The following TPRG1 variants were observed in gnomAD, a reference collection of about 807,000 sequenced individuals.
The protein encoded by TPRG1 is tumor protein p63-regulated gene 1 protein.
A neutral mutation model predicts 29.3 loss-of-function variants in TPRG1; 29 were observed. The observed-to-expected ratio is 0.99, with a 90% CI of 0.74 to 1.35. The LOEUF is 1.35. TPRG1 is among the 40% of genes most tolerant of loss of function. The pLI, the probability that TPRG1 is intolerant of heterozygous loss-of-function variation, is 0.00. For synonymous variants in TPRG1, 130 were observed against 116.8 expected (o/e 1.11, Z -0.73); for missense variants, 327 against 335.0 (o/e 0.98, Z 0.19).
intron 4 of TPRG1, 123 bp from the exon 5 acceptor site, chr3:189,310,263 A>G: frequency 1.3e-6 from 1 of 780,094 alleles, no homozygotes; most frequent in Non-Finnish European, 1.8e-6. Context: ...CTCACCCCCT[A>G]AAATCTTTTG....
At chr3:189,026,999 G>C (rs986045314) in intron 4 of TPRG1, among the ~76,000 whole-genome samples, 1 of 152,084 alleles carries the variant, frequency 6.6e-6, no homozygotes, top group Non-Finnish European at 1.5e-5. Context: ...TTGATTTTTT[G>C]TAAGTAAAAT....
At chr3:189,140,995 A>C (rs1434800503) in intron 3 of TPRG1, among the ~76,000 whole-genome samples, 2 of 152,216 alleles carry the variant, frequency 1.3e-5, no homozygotes, top group African/African-American at 4.8e-5. Flanking sequence ...ACTTTAACAC[A>C]GCTCAAAAGT....
intron 4 of TPRG1, among the ~76,000 whole-genome samples, chr3:189,248,695 A>T (rs1324836869): frequency 6.6e-6 from 1 of 151,196 alleles, no homozygotes; most frequent in African/African-American, 2.4e-5. Flanking sequence ...TGACCTGAGA[A>T]TAGATTGAAG....
chr3:189,215,422 A>G, intron 3 of TPRG1, 39 bp downstream of exon 3: 1 of 1,548,426 alleles, frequency 6.5e-7, no homozygotes, highest in Non-Finnish European at 8.9e-7. Flanking sequence ...GTGGAAATAC[A>G]GCGTTTTCCT....
intron 3 of TPRG1, among the ~76,000 whole-genome samples, chr3:189,216,688 G>A (rs938801362): frequency 6.6e-6 from 1 of 152,140 alleles, no homozygotes; most frequent in African/African-American, 2.4e-5. Context: ...TTTCTTTGTA[G>A]CATCTTCCTT....
chr3:189,244,455 A>G (rs912635452), intron 4 of TPRG1, among the ~76,000 whole-genome samples: 3 of 152,164 alleles, frequency 2.0e-5, no homozygotes, highest in South Asian at 2.1e-4. Flanking sequence ...TAATTGGTTC[A>G]GAGTTCTGCA....
chr3:189,297,830 G>A (rs1356072189), intron 4 of TPRG1, among the ~76,000 whole-genome samples: 1 of 152,118 alleles, frequency 6.6e-6, no homozygotes, highest in Admixed American at 6.5e-5. Flanking sequence ...CATTTGGGAA[G>A]AGGACTCATG....
chr3:189,205,672 T>C (rs956359852), intron 1 of TPRG1, among the ~76,000 whole-genome samples: 1 of 152,106 alleles, frequency 6.6e-6, no homozygotes, highest in Non-Finnish European at 1.5e-5. Flanking sequence ...ATGGTGAAAA[T>C]GGACATGAAA....
chr3:189,006,599 C>G (rs1712298944), intron 3 of TPRG1, among the ~76,000 whole-genome samples: 1 of 152,124 alleles, frequency 6.6e-6, no homozygotes, highest in South Asian at 2.1e-4. Flanking sequence ...AACTTGAACT[C>G]AGGCCCTGTG....
At chr3:189,217,652 C>G (rs969488810) in intron 3 of TPRG1, among the ~76,000 whole-genome samples, 1 of 152,168 alleles carries the variant, frequency 6.6e-6, no homozygotes, top group Non-Finnish European at 1.5e-5. Flanking sequence ...TTGTTAAAAA[C>G]CTCATCGTGG....
chr3:189,039,461 G>T (rs1429460576), intron 4 of TPRG1, among the ~76,000 whole-genome samples: 2 of 152,188 alleles, frequency 1.3e-5, no homozygotes, highest in Non-Finnish European at 2.9e-5. Context: ...GTTACCACAA[G>T]ATGAGGGCAA....
intron 1 of TPRG1, among the ~76,000 whole-genome samples, chr3:189,190,578 C>G (rs1414346076): frequency 6.6e-6 from 1 of 152,182 alleles, no homozygotes; most frequent in African/African-American, 2.4e-5. Context: ...TATTTTATTG[C>G]CTCCTACGTC....
intron 4 of TPRG1, among the ~76,000 whole-genome samples, chr3:189,241,008 G>A (rs1156626292): frequency 6.6e-6 from 1 of 152,060 alleles, no homozygotes; most frequent in Non-Finnish European, 1.5e-5. Context: ...GTCCCTCATT[G>A]ATGTATATCT....
At chr3:189,314,312 C>T (rs1264038597) in intron 5 of TPRG1, among the ~76,000 whole-genome samples, 1 of 152,124 alleles carries the variant, frequency 6.6e-6, no homozygotes, top group East Asian at 1.9e-4. Context: ...TGAGATTACA[C>T]AACATTGGGC....
At chr3:189,146,808 A>G (rs1013690689) in intron 3 of TPRG1, among the ~76,000 whole-genome samples, 5 of 152,240 alleles carry the variant, frequency 3.3e-5, no homozygotes, top group Non-Finnish European at 7.3e-5. Flanking sequence ...TGATTTAGGA[A>G]GAGGTGTTTG....
chr3:189,078,657 A>T (rs1717385408), intron 4 of TPRG1, among the ~76,000 whole-genome samples: 1 of 152,216 alleles, frequency 6.6e-6, no homozygotes, highest in South Asian at 2.1e-4. Context: ...GAAGAAAAAT[A>T]ATCTTTTGAT....
intron 4 of TPRG1, among the ~76,000 whole-genome samples, chr3:189,281,627 A>G (rs1222679859): frequency 6.6e-6 from 1 of 152,140 alleles, no homozygotes; most frequent in Admixed American, 6.5e-5. Context: ...TATAAATATA[A>G]AATCATAATA....
At chr3:189,249,017 A>G (rs761297730) in intron 4 of TPRG1, among the ~76,000 whole-genome samples, 4 of 151,438 alleles carry the variant, frequency 2.6e-5, no homozygotes, top group African/African-American at 4.8e-5. Flanking sequence ...TGAGATTAGT[A>G]TATCATATAT....
chr3:189,055,673 G>A (rs1321156743), intron 4 of TPRG1, among the ~76,000 whole-genome samples: 1 of 152,118 alleles, frequency 6.6e-6, no homozygotes, highest in African/African-American at 2.4e-5. Context: ...GGCCATTTGA[G>A]AACAGCCCTC....
Sources: allele counts gnomAD v4.1 joint callset (sites outside exome capture counted in the v4.1 genomes callset), GRCh38; gene constraint gnomAD v4.1.1; transcripts MANE v1.5; gene names NCBI Gene and HGNC (gene_info 2026-07-23, HGNC 2026-07-21).